Variants in CNTN4 observed in about 807,000 individuals in gnomAD.
The protein encoded by CNTN4 is contactin-4.
Under a neutral mutation model 122.5 loss-of-function variants are expected in CNTN4, and 77 were observed. The ratio of observed to expected loss-of-function variants is 0.63; its 90% CI spans 0.52 to 0.76. The LOEUF (loss-of-function observed/expected upper bound fraction) is 0.76. Ranked by LOEUF, CNTN4 falls within the 30% of genes least tolerant of loss-of-function variation. The pLI is 0.00. For synonymous variants in CNTN4, 512 were observed against 447.0 expected (o/e 1.15, Z -1.83); for missense variants, 1,256 against 1,259.1 (o/e 1.00, Z 0.04).
At chr3:2,323,458 C>T (rs2043341020) in intron 2 of CNTN4, among the ~76,000 whole-genome samples, 1 of 152,122 alleles carries the variant, frequency 6.6e-6, no homozygotes, top group Non-Finnish European at 1.5e-5. Flanking sequence ...AACTTTTGTA[C>T]AGACTTTTAC....
intron 14 of CNTN4, among the ~76,000 whole-genome samples, chr3:2,996,612 A>G (rs1292447507): frequency 2.0e-5 from 3 of 152,216 alleles, no homozygotes; most frequent in Non-Finnish European, 4.4e-5. Context: ...GAAGCACATA[A>G]TTAATTTCTT....
At chr3:2,106,127 C>G (rs7642231) in intron 2 of CNTN4, among the ~76,000 whole-genome samples, 53,431 of 152,194 alleles carry the variant, frequency 0.35, 9,379 homozygotes, top group East Asian at 0.45. Flanking sequence ...TTCTGCCCCT[C>G]TGGCTTTGCA....
At chr3:2,856,442 A>G (rs2093619083) in intron 7 of CNTN4, among the ~76,000 whole-genome samples, 1 of 152,224 alleles carries the variant, frequency 6.6e-6, no homozygotes, top group African/African-American at 2.4e-5. Flanking sequence ...AGAGTGCACA[A>G]GCCTTGTCAG....
intron 3 of CNTN4, among the ~76,000 whole-genome samples, chr3:2,427,245 G>A (rs2047874518): frequency 2.6e-5 from 4 of 152,190 alleles, no homozygotes; most frequent in South Asian, 4.1e-4. Context: ...TGCTTTAAAT[G>A]GGTGCCAGAG....
intron 2 of CNTN4, among the ~76,000 whole-genome samples, chr3:2,216,019 A>G (rs567027056): frequency 6.6e-6 from 1 of 152,240 alleles, no homozygotes; most frequent in South Asian, 2.1e-4. Context: ...CATTTGATCC[A>G]GCAATCCCAT....
intron 5 of CNTN4, among the ~76,000 whole-genome samples, chr3:2,743,653 G>T (rs767708307): frequency 5.9e-5 from 9 of 152,196 alleles, no homozygotes; most frequent in Non-Finnish European, 8.8e-5. Context: ...AATTCAACCA[G>T]CATTTATGGA....
intron 3 of CNTN4, among the ~76,000 whole-genome samples, chr3:2,567,507 T>A (rs572044794): frequency 6.6e-6 from 1 of 152,276 alleles, no homozygotes; most frequent in South Asian, 2.1e-4. Context: ...GTGCTGTCTT[T>A]AACAAAGATA....
intron 3 of CNTN4, among the ~76,000 whole-genome samples, chr3:2,381,880 G>A (rs1177859959): frequency 6.6e-6 from 1 of 151,888 alleles, no homozygotes; most frequent in Non-Finnish European, 1.5e-5. Flanking sequence ...TTCTATGAAG[G>A]TGCAAGGTTC....
chr3:2,862,102 T>C (rs11924729), intron 7 of CNTN4, among the ~76,000 whole-genome samples: 19,601 of 152,234 alleles, frequency 0.13, 1,369 homozygotes, highest in Middle Eastern at 0.25. Flanking sequence ...ATTGAAAAAG[T>C]TGGACTAAGA....
chr3:2,315,278 A>T (rs752032480), intron 2 of CNTN4, among the ~76,000 whole-genome samples: 1 of 152,026 alleles, frequency 6.6e-6, no homozygotes, highest in Admixed American at 6.6e-5. Context: ...AAAGTGACCA[A>T]TTGATTTAAC....
At position 3,003,895 on chromosome 3, in the gene CNTN4, G is replaced by A. The variant is rs142180129; in HGVS notation, c.1486+15423G>A. Among the ~76,000 whole-genome samples the A allele has an allele frequency of 3.6e-4, 55 of 151,890 alleles. 1 individual carries two copies. The highest frequency in any genetic ancestry group is 1.1e-3 in the African/African-American group (44 of 41,394). On this transcript the variant is annotated intron_variant, in intron 14 of 24. Transcript: ENST00000418658. The stretch of plus-strand genomic sequence containing the variant: ...CCACTAGGTAGCTGGGATTACAGGC[G>A]CACGCCAGCACGCCACCAAGCCCTA...
chr3:2,210,109 A>G (rs904617743), intron 2 of CNTN4, among the ~76,000 whole-genome samples: 4 of 152,086 alleles, frequency 2.6e-5, no homozygotes, highest in African/African-American at 7.2e-5. Context: ...CTATTTGTCT[A>G]TCCAATGTTG....
chr3:2,930,653 T>C (rs952171856), intron 13 of CNTN4, among the ~76,000 whole-genome samples: 4 of 152,220 alleles, frequency 2.6e-5, no homozygotes, highest in Non-Finnish European at 4.4e-5. Context: ...ACTGAATTTT[T>C]CCAAAAAGAA....
At chr3:2,531,916 C>G (rs934506096) in intron 3 of CNTN4, among the ~76,000 whole-genome samples, 2 of 152,150 alleles carry the variant, frequency 1.3e-5, no homozygotes, top group Admixed American at 6.6e-5. Context: ...AATACTTGAT[C>G]TTGTAAGAGA....
At chr3:2,270,834 G>A (rs1033784100) in intron 2 of CNTN4, among the ~76,000 whole-genome samples, 1 of 152,102 alleles carries the variant, frequency 6.6e-6, no homozygotes, top group Non-Finnish European at 1.5e-5. Flanking sequence ...TTACAGTTCA[G>A]CTGCCTCCCG....
rs17009472 is a variant in CNTN4 at position 2,196,628 on chromosome 3, A to G, written c.-145+95989A>G. ...CTAGTACGTACCCTATACCAAGCATAAAGAAATATAGACAAGGGATCTTGC... is the reference window on the plus strand; with the variant it reads ...CTAGTACGTACCCTATACCAAGCATGAAGAAATATAGACAAGGGATCTTGC... On this transcript the variant is annotated intron_variant, in intron 2 of 24. Transcript: ENST00000418658. 5.7e-3 allele frequency among the ~76,000 whole-genome samples: 875 copies of G among 152,278 alleles called. 12 individuals carry two copies. Among genetic ancestry groups the G allele is most frequent in the African/African-American group, 0.02 (830 of 41,552 alleles).
intron 3 of CNTN4, among the ~76,000 whole-genome samples, chr3:2,340,824 T>G (rs2044183195): frequency 6.6e-6 from 1 of 151,556 alleles, no homozygotes; most frequent in African/African-American, 2.4e-5. Context: ...CTGGCTATTG[T>G]TCTGTAACAA....
intron 4 of CNTN4, among the ~76,000 whole-genome samples, chr3:2,696,565 G>T (rs1354468097): frequency 6.6e-6 from 1 of 152,128 alleles, no homozygotes; most frequent in Non-Finnish European, 1.5e-5. Flanking sequence ...AAACTTGCTG[G>T]CTCCTTGATC....
chr3:2,405,719 A>T (rs1367284572), intron 3 of CNTN4, among the ~76,000 whole-genome samples: 2 of 152,148 alleles, frequency 1.3e-5, no homozygotes, highest in Admixed American at 6.6e-5. Context: ...ATTGAACACC[A>T]TCATCAAAAC....
Sources: allele counts gnomAD v4.1 joint callset (sites outside exome capture counted in the v4.1 genomes callset), GRCh38; gene constraint gnomAD v4.1.1; transcripts MANE v1.5; gene names NCBI Gene and HGNC (gene_info 2026-07-23, HGNC 2026-07-21).